Variants in EFNA5 observed in about 807,000 individuals in gnomAD.
The protein encoded by EFNA5 is ephrin A5.
EFNA5 carries 5 observed loss-of-function variants against 22.9 expected under a neutral mutation model. That is an observed-to-expected ratio of 0.22 (90% CI 0.11 to 0.46). The LOEUF (loss-of-function observed/expected upper bound fraction) is 0.46. EFNA5 is among the 20% of genes least tolerant of loss of function. The pLI is 0.99. For synonymous variants in EFNA5, 113 were observed against 112.2 expected (o/e 1.01, Z -0.04); for missense variants, 237 against 293.3 (o/e 0.81, Z 1.40).
rs551470031 is a variant in EFNA5, at chr5:107,476,243, C to T, written c.126-48734G>A. ...ATTTTTTGTGTTTTTAGTAGAGATT[C>T]GGTTTCACAATGTTGGCCAGGCTGG... On this transcript the variant is annotated intron_variant, in intron 1 of 4. Coordinates refer to ENST00000333274, the MANE Select transcript of EFNA5 (RefSeq NM_001962.3). 1.6e-4 allele frequency among the ~76,000 whole-genome samples: 24 copies of T among 150,234 alleles called. No individual in the cohort carries two copies. The South Asian group carries it at 3.8e-3, about 24-fold the overall frequency.
intron 1 of EFNA5, among the ~76,000 whole-genome samples, chr5:107,476,363 T>C (rs1448592855): frequency 6.6e-6 from 1 of 151,870 alleles, no homozygotes; most frequent in East Asian, 1.9e-4. Flanking sequence ...AAGAACTATA[T>C]TCTTGAGAGC....
At chr5:107,526,222 T>C (rs149807635) in intron 1 of EFNA5, among the ~76,000 whole-genome samples, 1 of 152,226 alleles carries the variant, frequency 6.6e-6, no homozygotes, top group Non-Finnish European at 1.5e-5. Context: ...AGATTCAAGA[T>C]TCTGGATTTT....
intron 1 of EFNA5, among the ~76,000 whole-genome samples, chr5:107,430,770 CTTTCTTT>C (rs10539022): frequency 0.64 from 65,086 of 101,790 alleles, 20,546 homozygotes; most frequent in Non-Finnish European, 0.75. Context: ...TTATTTCTTT[CTTTCTTT>C]TTTTTTTTTT....
intron 1 of EFNA5, among the ~76,000 whole-genome samples, chr5:107,471,291 C>T (rs1040067658): frequency 1.4e-4 from 22 of 152,174 alleles, no homozygotes; most frequent in African/African-American, 5.3e-4. Context: ...CTGTTGATTC[C>T]CCCTTTTTGC....
At chr5:107,413,744 T>C (rs958372674) in intron 2 of EFNA5, among the ~76,000 whole-genome samples, 2 of 152,206 alleles carry the variant, frequency 1.3e-5, no homozygotes, top group African/African-American at 4.8e-5. Flanking sequence ...AAGGGTTCTA[T>C]GGTTTTTGTT....
intron 1 of EFNA5, among the ~76,000 whole-genome samples, chr5:107,620,319 T>C (rs562176809): frequency 6.6e-6 from 1 of 152,352 alleles, no homozygotes; most frequent in African/African-American, 2.4e-5. Flanking sequence ...TGTCAATATT[T>C]GTACCGTAAA....
At chr5:107,487,553 G>C (rs113970207) in intron 1 of EFNA5, among the ~76,000 whole-genome samples, 2 of 152,334 alleles carry the variant, frequency 1.3e-5, no homozygotes, top group African/African-American at 4.8e-5. Flanking sequence ...GCAGAGTAGA[G>C]GTTTGTTGGA....
At chr5:107,408,208 C>T (rs939009111) in intron 2 of EFNA5, among the ~76,000 whole-genome samples, 1 of 151,998 alleles carries the variant, frequency 6.6e-6, no homozygotes, top group African/African-American at 2.4e-5. Flanking sequence ...TCACCATCAC[C>T]ATCACTGCTG....
intron 1 of EFNA5, among the ~76,000 whole-genome samples, chr5:107,553,219 G>A (rs1748336979): frequency 6.6e-6 from 1 of 152,170 alleles, no homozygotes; most frequent in African/African-American, 2.4e-5. Context: ...TAAACTGTGG[G>A]CAGGCAGCGG....
intron 1 of EFNA5, among the ~76,000 whole-genome samples, chr5:107,612,872 T>C (rs1002039587): frequency 2.6e-5 from 4 of 152,120 alleles, no homozygotes; most frequent in Non-Finnish European, 5.9e-5. Context: ...TCCTCTTAGA[T>C]GAATGAAAGT....
At chr5:107,597,084 A>G (rs895798043) in intron 1 of EFNA5, among the ~76,000 whole-genome samples, 7 of 152,202 alleles carry the variant, frequency 4.6e-5, no homozygotes, top group Admixed American at 1.3e-4. Flanking sequence ...TGTTGCACTG[A>G]TAAGAACCAC....
At chr5:107,534,337 G>A (rs1350568942) in intron 1 of EFNA5, among the ~76,000 whole-genome samples, 1 of 152,180 alleles carries the variant, frequency 6.6e-6, no homozygotes, top group Non-Finnish European at 1.5e-5. Flanking sequence ...ATGGGGGACT[G>A]CTTCCATGTA....
chr5:107,615,802 A>G (rs1235511848), intron 1 of EFNA5, among the ~76,000 whole-genome samples: 1 of 152,166 alleles, frequency 6.6e-6, no homozygotes, highest in Admixed American at 6.5e-5. Flanking sequence ...TCGCTCGTCC[A>G]TCTTTTCTTC....
At chr5:107,444,853 C>T (rs1410492759) in intron 1 of EFNA5, among the ~76,000 whole-genome samples, 1 of 152,062 alleles carries the variant, frequency 6.6e-6, no homozygotes, top group Non-Finnish European at 1.5e-5. Context: ...TCAAAGAATG[C>T]TTGATTTCCT....
chr5:107,662,651 G>A (rs1054390533), intron 1 of EFNA5, among the ~76,000 whole-genome samples: 15 of 152,054 alleles, frequency 9.9e-5, no homozygotes, highest in Non-Finnish European at 1.8e-4. Context: ...TAATGTGATA[G>A]GAAGAGCCTA....
chr5:107,633,912 G>A (rs1750315490), intron 1 of EFNA5, among the ~76,000 whole-genome samples: 1 of 151,950 alleles, frequency 6.6e-6, no homozygotes, highest in Non-Finnish European at 1.5e-5. Flanking sequence ...GGAAGTGCAG[G>A]GAACAATATT....
intron 1 of EFNA5, among the ~76,000 whole-genome samples, chr5:107,546,499 T>TA (rs1461911182): frequency 1.3e-5 from 2 of 152,174 alleles, no homozygotes; most frequent in African/African-American, 2.4e-5. Context: ...AGCAGTGCAT[T>TA]AAAAAAGATC....
At position 107,657,039 on chromosome 5, in the gene EFNA5, A is replaced by T. The variant is rs192330908; in HGVS notation, c.125+13450T>A. 1.6e-3 allele frequency among the ~76,000 whole-genome samples: 239 copies of T among 152,286 alleles called. 3 individuals carry two copies. The highest frequency in any genetic ancestry group is 2.4e-4 in the Non-Finnish European group (16 of 68,000). ...TAAACACAATGTTTTTACTATACGC[A>T]GTTAAATCTGTATAGGAACATATAT... On this transcript the variant is annotated intron_variant, in intron 1 of 4. Transcript: ENST00000333274.
chr5:107,539,933 A>G (rs950812295), intron 1 of EFNA5, among the ~76,000 whole-genome samples: 9 of 152,196 alleles, frequency 5.9e-5, no homozygotes, highest in Non-Finnish European at 8.8e-5. Flanking sequence ...TTTTGAAGTC[A>G]CACCTTAGCT....
Sources: gnomAD v4.1 joint callset for allele counts (sites outside exome capture counted in the v4.1 genomes callset) on GRCh38, gnomAD v4.1.1 for gene constraint, MANE v1.5 for transcripts, NCBI Gene and HGNC (gene_info 2026-07-23, HGNC 2026-07-21) for gene names.